Variants in THSD4 observed in about 807,000 individuals in gnomAD.
The protein encoded by THSD4 is thrombospondin type 1 domain containing 4, also known as thrombospondin type-1 domain-containing protein 4.
THSD4 carries 69 observed loss-of-function variants against 119.0 expected under a neutral mutation model. That is an observed-to-expected ratio of 0.58 (90% CI 0.48 to 0.71). The LOEUF (loss-of-function observed/expected upper bound fraction) is 0.71. Ranked by LOEUF, THSD4 falls within the 30% of genes least tolerant of loss-of-function variation. The probability of loss-of-function intolerance (pLI) is 0.00; values close to 1 mark genes in which losing one functional copy is unlikely to be tolerated. For missense variants in THSD4, 1,393 were observed against 1,391.1 expected (o/e 1.00, Z -0.02); for synonymous variants, 524 against 540.4 (o/e 0.97, Z 0.42).
intron 6 of THSD4, among the ~76,000 whole-genome samples, chr15:71,369,558 G>A (rs1316784629): frequency 6.6e-6 from 1 of 152,146 alleles, no homozygotes; most frequent in Non-Finnish European, 1.5e-5. Flanking sequence ...TTTTGTCGTT[G>A]GTTCTGTTTA....
chr15:71,277,384 C>T (rs997094982), intron 6 of THSD4, among the ~76,000 whole-genome samples: 1 of 152,114 alleles, frequency 6.6e-6, no homozygotes, highest in Non-Finnish European at 1.5e-5. Context: ...CCTTGGCCTC[C>T]CAAAGTGCTG....
chr15:71,704,901 A>C (rs535330370), intron 8 of THSD4, among the ~76,000 whole-genome samples: 1 of 152,346 alleles, frequency 6.6e-6, no homozygotes, highest in Admixed American at 6.5e-5. Flanking sequence ...TAGTGATACC[A>C]TCTTCACGGA....
intron 1 of THSD4, among the ~76,000 whole-genome samples, chr15:71,104,276 G>T (rs954345140): frequency 7.4e-6 from 1 of 134,296 alleles, no homozygotes; most frequent in Non-Finnish European, 1.5e-5. Context: ...TTATATGGCC[G>T]GAAAGAATTA....
At chr15:71,708,052 T>A (rs2052427158) in intron 8 of THSD4, among the ~76,000 whole-genome samples, 1 of 152,166 alleles carries the variant, frequency 6.6e-6, no homozygotes, top group Admixed American at 6.5e-5. Context: ...TTCCCTTCCA[T>A]CTGTACTGTC....
At chr15:71,632,287 G>A (rs1378962751) in intron 7 of THSD4, among the ~76,000 whole-genome samples, 1 of 152,094 alleles carries the variant, frequency 6.6e-6, no homozygotes, top group Non-Finnish European at 1.5e-5. Flanking sequence ...TCACCCTTGG[G>A]GTTGAAAAGG....
At chr15:71,261,256 C>T (rs553006453) in intron 6 of THSD4, among the ~76,000 whole-genome samples, 1 of 152,072 alleles carries the variant, frequency 6.6e-6, no homozygotes, top group East Asian at 1.9e-4. Flanking sequence ...CATGTGAAGG[C>T]AGAGGCAGAG....
intron 6 of THSD4, among the ~76,000 whole-genome samples, chr15:71,355,226 TA>T (rs2045793341): frequency 6.6e-6 from 1 of 152,178 alleles, no homozygotes; most frequent in African/African-American, 2.4e-5. Flanking sequence ...CCACATGCAA[TA>T]AAAGACTGAT....
intron 3 of THSD4, among the ~76,000 whole-genome samples, chr15:71,201,841 G>A (rs1044103352): frequency 3.3e-5 from 5 of 152,154 alleles, no homozygotes; most frequent in African/African-American, 4.8e-5. Flanking sequence ...GGTTCACGTC[G>A]ACATGGGCAG....
At chr15:71,134,616 C>T (rs1034304256) in intron 1 of THSD4, among the ~76,000 whole-genome samples, 14 of 152,198 alleles carry the variant, frequency 9.2e-5, no homozygotes, top group African/African-American at 3.1e-4. Context: ...CGCCCTGTGT[C>T]GGCAGCATGT....
intron 8 of THSD4, among the ~76,000 whole-genome samples, chr15:71,678,168 G>A (rs2051691043): frequency 6.6e-6 from 1 of 152,198 alleles, no homozygotes; most frequent in Admixed American, 6.5e-5. Context: ...AATCTTCCCT[G>A]TTTGAATCAA....
chr15:71,738,849 C>T (rs2053178936), intron 11 of THSD4, among the ~76,000 whole-genome samples: 1 of 152,034 alleles, frequency 6.6e-6, no homozygotes, highest in African/African-American at 2.4e-5. Flanking sequence ...CCCAAGACCT[C>T]AGCATAAAAA....
chr15:71,318,705 A>G (rs887037333), intron 6 of THSD4, among the ~76,000 whole-genome samples: 3 of 152,138 alleles, frequency 2.0e-5, no homozygotes, highest in African/African-American at 7.2e-5. Context: ...CTGGGTTGGA[A>G]ATGACTGGAA....
chr15:71,715,925 A>G lies in THSD4; in HGVS notation c.1358-12624A>G, dbSNP rs75851662. ...TGAAGCAAGCACACACATGAATTAG[A>G]TAATAGGGATGTGTATTAGTTACCT... is the stretch of plus-strand genomic sequence containing the variant. On this transcript the variant is annotated intron_variant, in intron 8 of 17. Coordinates refer to ENST00000261862, the MANE Select transcript of THSD4 (RefSeq NM_024817.3). Among the ~76,000 whole-genome samples the G allele has an allele frequency of 6.6e-3, 1,009 of 152,278 alleles. 4 individuals are homozygous for G. The highest frequency in any genetic ancestry group is 0.01 in the Non-Finnish European group (704 of 68,020).
chr15:71,212,298 C>G (rs1288908367), intron 3 of THSD4, among the ~76,000 whole-genome samples: 1 of 152,190 alleles, frequency 6.6e-6, no homozygotes, highest in Non-Finnish European at 1.5e-5. Flanking sequence ...AATTTCAAGT[C>G]ACTCACCATA....
rs138066510 is a variant in THSD4 at position 71,386,127 on chromosome 15, C to T, written c.1016-25560C>T. On this transcript the variant is annotated intron_variant, in intron 6 of 17. Coordinates refer to ENST00000261862, the MANE Select transcript of THSD4 (RefSeq NM_024817.3). ...TTAGTGAAGATTGAATAAATGCCAA[C>T]GTACAGAAAAGCAACACCAGAAATC... Among the ~76,000 whole-genome samples the T allele has an allele frequency of 6.7e-3, 1,024 of 152,278 alleles. 3 individuals are homozygous for T. Among genetic ancestry groups the T allele is most frequent in the Middle Eastern group, 0.027 (8 of 294 alleles).
chr15:71,193,770 T>C (rs184751886), intron 3 of THSD4, among the ~76,000 whole-genome samples: 126 of 152,208 alleles, frequency 8.3e-4, no homozygotes, highest in East Asian at 1.2e-3. Context: ...TGCAGTGGCG[T>C]GATCTCGGCT....
At chr15:71,413,962 T>G (rs908463758) in intron 7 of THSD4, among the ~76,000 whole-genome samples, 3 of 152,260 alleles carry the variant, frequency 2.0e-5, no homozygotes, top group Non-Finnish European at 4.4e-5. Flanking sequence ...TAGCTTTATC[T>G]TTCAGATTCC....
intron 7 of THSD4, among the ~76,000 whole-genome samples, chr15:71,499,818 A>G (rs754867547): frequency 2.0e-5 from 3 of 152,344 alleles, no homozygotes; most frequent in South Asian, 4.1e-4. Context: ...CATTTGTAGC[A>G]TATGATGGGA....
intron 7 of THSD4, among the ~76,000 whole-genome samples, chr15:71,568,931 T>C (rs1013175285): frequency 6.6e-6 from 1 of 152,248 alleles, no homozygotes; most frequent in Non-Finnish European, 1.5e-5. Context: ...ATGATTTTTG[T>C]TAACTTTTTT....
Sources: allele counts gnomAD v4.1 joint callset (sites outside exome capture counted in the v4.1 genomes callset), GRCh38; gene constraint gnomAD v4.1.1; transcripts MANE v1.5; gene names NCBI Gene and HGNC (gene_info 2026-07-23, HGNC 2026-07-21).